The following TRPM2 variants were observed in gnomAD, a reference collection of about 807,000 sequenced individuals.
TRPM2 encodes transient receptor potential cation channel subfamily M member 2.
In TRPM2, 161 loss-of-function variants were observed where a neutral mutation model predicts 174.0. The ratio of observed to expected loss-of-function variants is 0.93; its 90% confidence interval spans 0.81 to 1.05. TRPM2 has a LOEUF of 1.05. Ranked by LOEUF, TRPM2 falls within the 50% of genes least tolerant of loss-of-function variation. The pLI is 0.00. For synonymous variants in TRPM2, 954 were observed against 861.3 expected, an observed-to-expected ratio of 1.11 and a Z score of -1.88; for missense variants, 2,057 against 2,038.0, an observed-to-expected ratio of 1.01 and a Z score of -0.18.
chr21:44,353,005 A>T (rs920680224), upstream of TRPM2, among the ~76,000 whole-genome samples: 1 of 152,146 alleles, frequency 6.6e-6, no homozygotes, highest in South Asian at 2.1e-4. Context: ...ATACAAAAAA[A>T]ATTAGCAGGG....
chr21:44,362,555 G>A (rs975907380), intron 2 of TRPM2, among the ~76,000 whole-genome samples: 2 of 151,826 alleles, frequency 1.3e-5, no homozygotes, highest in Admixed American at 1.3e-4. Context: ...GTCAGATAGT[G>A]TTATAATTTT....
chr21:44,397,731 C>T lies in TRPM2; in HGVS notation c.1933-16C>T, dbSNP rs769428521. The T allele has an allele frequency of 6.4e-7, 1 of 1,554,540 alleles. No homozygotes were observed. Among genetic ancestry groups the T allele is most frequent in the Non-Finnish European group, 8.7e-7 (1 of 1,148,838 alleles). On this transcript the variant is annotated splice_polypyrimidine_tract_variant and intron_variant, in intron 12 of 31. Coordinates refer to ENST00000397928, the MANE Select transcript of TRPM2 (RefSeq NM_003307.4). ...GCCTGGCTCTTTAGTCTCACGGTGGCTCCTCTGGTCCCCAGAGCCAGGACT... is the reference window on the plus strand; with the variant it reads ...GCCTGGCTCTTTAGTCTCACGGTGGTTCCTCTGGTCCCCAGAGCCAGGACT...
chr21:44,425,923 C>A, intron 25 of TRPM2, 96 bp downstream of exon 25: 1 of 1,355,074 alleles, frequency 7.4e-7, no homozygotes, highest in South Asian at 1.8e-5. Context: ...AATCCTGGCT[C>A]CCAGCCACTG....
In TRPM2 at chr21:44,405,202, T is replaced by A; in HGVS notation, c.2599T>A (p.Phe867Ile). Residue 867 changes from phenylalanine to isoleucine, a missense_variant, in exon 17 of 32, where the codon TTC becomes ATC. Coordinates refer to ENST00000397928, the MANE Select transcript of TRPM2 (RefSeq NM_003307.4). ...MKKAALYFSD[F>I]WNKLDVGAIL... is the part of the protein sequence containing the mutation. ...GAAGGCAGCCTTGTACTTCAGTGAC[T>A]TCTGGAATAAGCTGGACGTCGGCGC... 1 of 1,613,502 alleles carries A rather than the reference T, an allele frequency of 6.2e-7. No individual in the cohort carries two copies. The highest frequency in any genetic ancestry group is 1.7e-5 in the Admixed American group (1 of 60,014).
intron 19 of TRPM2, among the ~76,000 whole-genome samples, chr21:44,408,537 T>G (rs2049981974): frequency 6.6e-6 from 1 of 151,802 alleles, no homozygotes; most frequent in Non-Finnish European, 1.5e-5. Context: ...GAAGTGGCTC[T>G]CCTTGTCGCT....
At position 44,370,748 on chromosome 21, in the gene TRPM2, C is replaced by T. The variant is rs370149400; in HGVS notation, c.771+1405C>T. On this transcript the variant is annotated intron_variant, in intron 5 of 31. Transcript: ENST00000397928. ...GAATCATGAATGTGTCCGGCGGGGT[C>T]GGACTGGACCAGCTGTTGGGCTTTG... Among the ~76,000 whole-genome samples the T allele has an allele frequency of 4.4e-3, 667 of 152,310 alleles. 2 individuals are homozygous for T. The highest frequency in any genetic ancestry group is 6.7e-3 in the Non-Finnish European group (453 of 68,018).
chr21:44,363,619 C>T (rs1410227517), intron 2 of TRPM2, among the ~76,000 whole-genome samples: 1 of 152,140 alleles, frequency 6.6e-6, no homozygotes, highest in Non-Finnish European at 1.5e-5. Context: ...AATGTGGCTG[C>T]TTTAAAATCA....
At chr21:44,381,922 A>C (rs894442039) in intron 8 of TRPM2, among the ~76,000 whole-genome samples, 12 of 151,350 alleles carry the variant, frequency 7.9e-5, no homozygotes, top group Non-Finnish European at 1.6e-4. Flanking sequence ...AAAAAAAAAA[A>C]AGATGAATGA....
At chr21:44,368,394 AC>A (rs985173946) in intron 4 of TRPM2, among the ~76,000 whole-genome samples, 11 of 150,440 alleles carry the variant, frequency 7.3e-5, no homozygotes, top group Non-Finnish European at 1.5e-4. Context: ...GGCGTGAGCC[AC>A]CATGCCTGGC....
In TRPM2 at chr21:44,391,472, G is replaced by A. The variant is rs200409451; in HGVS notation, c.1641G>A (p.Pro547=). The part of the protein sequence containing the change: ...QKVLVEDPER[P]ACAPAAPRLQ... ...TGCTGGTGGAGGATCCCGAGCGCCC[G>A]GCTTGCGCGCCCGCGGCGCCCCGCC... The change falls in exon 11 of 32, where the codon CCG becomes CCA. Residue 547 remains proline (P), a synonymous_variant. Coordinates refer to ENST00000397928, the MANE Select transcript of TRPM2 (RefSeq NM_003307.4). The surrounding 1 kb of genome is among the most constrained non-coding windows in gnomAD (Gnocchi z 5.0). The A allele has an allele frequency of 2.5e-6, 4 of 1,610,624 alleles. No homozygotes were observed. Among genetic ancestry groups the A allele is most frequent in the African/African-American group, 2.7e-5 (2 of 74,918 alleles).
chr21:44,384,568 C>T (rs1011449030), intron 9 of TRPM2, among the ~76,000 whole-genome samples: 1 of 152,200 alleles, frequency 6.6e-6, no homozygotes, highest in Non-Finnish European at 1.5e-5. Flanking sequence ...CAAAATAAGA[C>T]ATTAATCCAT....
At chr21:44,363,356 TTTG>T (rs1327043298) in intron 2 of TRPM2, among the ~76,000 whole-genome samples, 1 of 152,222 alleles carries the variant, frequency 6.6e-6, no homozygotes, top group Non-Finnish European at 1.5e-5. Context: ...GTATTTTTTC[TTTG>T]TTGTTGTTTG....
intron 23 of TRPM2, 112 bp downstream of exon 23, chr21:44,423,844 G>A: frequency 1.1e-6 from 1 of 923,536 alleles, no homozygotes; most frequent in Non-Finnish European, 1.7e-6. Context: ...TGGTGAGGAG[G>A]AGGCCGGAAC....
intron 26 of TRPM2, 32 bp from the exon 27 acceptor site, chr21:44,426,978 G>T: frequency 6.4e-7 from 1 of 1,553,912 alleles, no homozygotes; most frequent in Non-Finnish European, 8.7e-7. Context: ...TGCAACACGG[G>T]CACACAGACA....
At chr21:44,398,860 T>C (rs2049516309) in intron 13 of TRPM2, among the ~76,000 whole-genome samples, 1 of 152,210 alleles carries the variant, frequency 6.6e-6, no homozygotes, top group South Asian at 2.1e-4. Flanking sequence ...AATTTGTGGC[T>C]ACTTTGTTAG....
intron 19 of TRPM2, among the ~76,000 whole-genome samples, chr21:44,407,209 C>T (rs780656570): frequency 2.4e-4 from 10 of 40,896 alleles, no homozygotes; most frequent in East Asian, 6.8e-4. Context: ...TGCAGTGGCA[C>T]GTCCACCTCC....
intron 20 of TRPM2, chr21:44,415,813 C>G (rs2050259532): frequency 6.6e-6 from 1 of 152,182 alleles, no homozygotes; most frequent in South Asian, 2.1e-4. Flanking sequence ...GGACGTGGTC[C>G]TCTGGGGTCG....
intron 28 of TRPM2, among the ~76,000 whole-genome samples, chr21:44,435,549 C>A (rs2051212386): frequency 6.7e-6 from 1 of 150,218 alleles, no homozygotes; most frequent in African/African-American, 2.5e-5. Context: ...TCTCACTCCT[C>A]CATTCCCATC....
At chr21:44,373,616 CGACCTGCA>C in intron 5 of TRPM2, among the ~76,000 whole-genome samples, 1 of 119,574 alleles carries the variant, frequency 8.4e-6, no homozygotes. Flanking sequence ...GCATTATATG[CGACCTGCA>C]TTATATGCGA....
Sources: allele counts gnomAD v4.1 joint callset (sites outside exome capture counted in the v4.1 genomes callset), GRCh38; gene constraint gnomAD v4.1.1; non-coding constraint Gnocchi (gnomAD v3.1); transcripts MANE v1.5; gene names NCBI Gene and HGNC (gene_info 2026-07-23, HGNC 2026-07-21).